The following CLN8 variants were observed in gnomAD, a reference collection of about 807,000 sequenced individuals.
CLN8 encodes CLN8 transmembrane ER and ERGIC protein.
A neutral mutation model predicts 15.7 loss-of-function variants in CLN8; 14 were observed. The observed-to-expected ratio is 0.89, with a 90% CI of 0.59 to 1.39. The LOEUF is 1.39. Ranked by LOEUF, CLN8 falls within the 40% of genes most tolerant of loss-of-function variation. The probability of loss-of-function intolerance (pLI) is 0.00; values close to 1 mark genes in which losing one functional copy is unlikely to be tolerated. For missense variants in CLN8, 415 were observed against 364.0 expected, an observed-to-expected ratio of 1.14 and a Z score of -1.14; for synonymous variants, 188 against 151.0, an observed-to-expected ratio of 1.25 and a Z score of -1.80.
At chr8:1,767,270 G>A (rs1209038560) in intron 1 of CLN8, among the ~76,000 whole-genome samples, 1 of 152,192 alleles carries the variant, frequency 6.6e-6, no homozygotes, top group Non-Finnish European at 1.5e-5. Context: ...CTACAGGACT[G>A]GAAGGGGAAG....
rs571941797 is a variant in CLN8 at position 1,782,090 on chromosome 8, T to A, written c.*1523T>A. 4.6e-4 allele frequency: 70 copies of A among 152,318 alleles called. 2 individuals are homozygous for A. The highest frequency in any genetic ancestry group is 1.6e-3 in the African/African-American group (67 of 41,566). 9.4% of individuals were successfully genotyped at this position (152,318 alleles called of 1,614,324 possible). On this transcript the variant is annotated 3_prime_UTR_variant, in exon 3 of 3. Transcript: ENST00000331222. ...GCTGCTCGTGAGAATCATGTGTGACTTACGTTCCTTATGTTTTATGGAACT... is the reference window on the plus strand; with the variant it reads ...GCTGCTCGTGAGAATCATGTGTGACATACGTTCCTTATGTTTTATGGAACT...
upstream of CLN8, among the ~76,000 whole-genome samples, chr8:1,753,184 C>G (rs1800593558): frequency 6.6e-6 from 1 of 152,206 alleles, no homozygotes; most frequent in East Asian, 1.9e-4. Flanking sequence ...CAGCTCCTCA[C>G]TGTCTTTCTG....
intron 1 of CLN8, among the ~76,000 whole-genome samples, chr8:1,757,346 G>T (rs900602283): frequency 6.6e-6 from 1 of 152,204 alleles, no homozygotes; most frequent in East Asian, 1.9e-4. Flanking sequence ...ATGTCCCCAC[G>T]GGAGGGGGCG....
At chr8:1,773,907 T>G (rs1801412413) in intron 2 of CLN8, 1 of 152,246 alleles carries the variant, frequency 6.6e-6, no homozygotes, top group South Asian at 2.1e-4. Context: ...AAGTGGTAAA[T>G]AGTGACTAAA....
At chr8:1,764,148 G>C (rs1221764568) in intron 1 of CLN8, among the ~76,000 whole-genome samples, 1 of 152,160 alleles carries the variant, frequency 6.6e-6, no homozygotes, top group Non-Finnish European at 1.5e-5. Context: ...GAGGGGCCGG[G>C]GTGGCTCCTG....
At position 1,780,768 on chromosome 8, in the gene CLN8, T is replaced by A. The variant is rs1323671456; in HGVS notation, c.*201T>A. ...AAGAAATTATAATTTTATGACTGTC[T>A]GGCAGGCTCTGTCAGTTTAGCCGCG... On this transcript the variant is annotated 3_prime_UTR_variant, in exon 3 of 3. Transcript: ENST00000331222. The A allele has an allele frequency of 1.6e-6, 1 of 628,746 alleles. No individual in the cohort carries two copies. The highest frequency in any genetic ancestry group is 1.8e-5 in the African/African-American group (1 of 54,416). The allele number at this position is 628,746 out of a possible 1,614,324, so 38.9% of individuals were successfully genotyped here. A position where few individuals can be genotyped will look rare whatever the true frequency, so the allele number is the denominator to read the frequency against.
intron 1 of CLN8, among the ~76,000 whole-genome samples, chr8:1,766,119 T>A (rs762096496): frequency 2.0e-5 from 3 of 152,168 alleles, no homozygotes; most frequent in Non-Finnish European, 2.9e-5. Flanking sequence ...CTTACTGATG[T>A]GTTTGCATTC....
At chr8:1,780,071 TG>T in intron 2 of CLN8, 178 bp from the exon 3 acceptor site, 21 of 985,474 alleles carry the variant, frequency 2.1e-5, no homozygotes, top group Non-Finnish European at 2.4e-5. Flanking sequence ...CCCACAGAGC[TG>T]GTGGCCTCCT....
At position 1,780,288 on chromosome 8, in the gene CLN8, G is replaced by C. The variant is rs139824802; in HGVS notation, c.582G>C (p.Gln194His). 2 of 1,614,278 alleles carry C rather than the reference G, an allele frequency of 1.2e-6. No homozygotes were observed. Among genetic ancestry groups the C allele is most frequent in the Non-Finnish European group, 1.7e-6 (2 of 1,180,052 alleles). The change falls in exon 3 of 3, where the codon CAG becomes CAC. Residue 194 changes from glutamine to histidine, a missense_variant. Coordinates refer to ENST00000331222, the MANE Select transcript of CLN8 (RefSeq NM_018941.4). ...AGTCTCTGTTTTGGAAGCTCAACCA[G>C]TGGCTGATGATTCACATGTTTCACT... ...WSESLFWKLN[Q>H]WLMIHMFHCR...
intron 2 of CLN8, chr8:1,773,963 A>T (rs1187461449): frequency 6.6e-6 from 1 of 152,264 alleles, no homozygotes; most frequent in African/African-American, 2.4e-5. Flanking sequence ...TCATTAGTGT[A>T]TTTTGAGAAA....
chr8:1,754,252 C>G (rs937415385), upstream of CLN8, among the ~76,000 whole-genome samples: 1 of 152,190 alleles, frequency 6.6e-6, no homozygotes, highest in African/African-American at 2.4e-5. Context: ...CCGTTGCTCC[C>G]TTGCAATGTA....
chr8:1,761,000 G>C (rs896957660), upstream of CLN8, among the ~76,000 whole-genome samples: 1 of 144,540 alleles, frequency 6.9e-6, no homozygotes, highest in Non-Finnish European at 1.5e-5. Context: ...ATCTAAGCAT[G>C]ACTATAGCCA....
chr8:1,767,881 A>G (rs6982516), intron 1 of CLN8, among the ~76,000 whole-genome samples: 124,932 of 151,774 alleles, frequency 0.82, 51,660 homozygotes, highest in African/African-American at 0.85. Context: ...TGCTCTGTGT[A>G]TTTCTTTTTC....
chr8:1,762,219 TC>T (rs1800815492), upstream of CLN8: 1 of 152,156 alleles, frequency 6.6e-6, no homozygotes, highest in Non-Finnish European at 1.5e-5. Context: ...AGAGTTTCAT[TC>T]TTGTTGCCCA....
chr8:1,779,107 C>G (rs1801623287), intron 2 of CLN8, among the ~76,000 whole-genome samples: 1 of 152,178 alleles, frequency 6.6e-6, no homozygotes, highest in Admixed American at 6.5e-5. Flanking sequence ...ACAGTTTCTA[C>G]TGAGTGTGTA....
chr8:1,755,952 T>G (rs1800660450), exon 1 of CLN8: 1 of 152,182 alleles, frequency 6.6e-6, no homozygotes, highest in African/African-American at 2.4e-5. Flanking sequence ...GGGGAAAATG[T>G]GAATTGGAAT....
chr8:1,753,569 CAAAAAAA>C (rs71190758), upstream of CLN8, among the ~76,000 whole-genome samples: 1 of 102,622 alleles, frequency 9.7e-6, no homozygotes, highest in African/African-American at 3.8e-5. Context: ...GAAACTGTTT[CAAAAAAA>C]AAAAAAAAAG....
upstream of CLN8, among the ~76,000 whole-genome samples, chr8:1,761,746 T>G (rs949223599): frequency 6.6e-6 from 1 of 152,224 alleles, no homozygotes; most frequent in Non-Finnish European, 1.5e-5. Flanking sequence ...CCTGAGCCGG[T>G]TGCTGAGTGC....
At chr8:1,766,490 C>T (rs1252040525) in intron 1 of CLN8, among the ~76,000 whole-genome samples, 2 of 151,432 alleles carry the variant, frequency 1.3e-5, no homozygotes, top group East Asian at 3.9e-4. Context: ...TCCAGGTTCC[C>T]GCCATTCTCC....
Sources: gnomAD v4.1 joint callset for allele counts (sites outside exome capture counted in the v4.1 genomes callset) on GRCh38, gnomAD v4.1.1 for gene constraint, MANE v1.5 for transcripts, NCBI Gene and HGNC (gene_info 2026-07-23, HGNC 2026-07-21) for gene names.